The following HCFC2 variants were observed in gnomAD, a reference collection of about 807,000 sequenced individuals.
HCFC2 encodes the protein host cell factor C2, also known as host cell factor 2.
A neutral mutation model predicts 89.2 loss-of-function variants in HCFC2; 18 were observed. The observed-to-expected ratio is 0.20, with a 90% CI of 0.14 to 0.30. The LOEUF is 0.30. Among genes scored for constraint, HCFC2 ranks in the 10% least tolerant of loss-of-function variants. The pLI is 1.00. For missense variants in HCFC2, 578 were observed against 956.1 expected, an observed-to-expected ratio of 0.60 and a Z score of 5.21; for synonymous variants, 308 against 335.7, an observed-to-expected ratio of 0.92 and a Z score of 0.90.
chr12:104,064,582 A>C lies in HCFC2; in HGVS notation c.22A>C (p.Asn8His), dbSNP rs1273761483. The change falls in exon 1 of 15, where the codon AAC becomes CAC. Residue 8 changes from asparagine to histidine, a missense_variant. Transcript: ENST00000229330. The surrounding 1 kb of genome is among the most constrained non-coding windows in gnomAD (Gnocchi z 7.3). MAAPSLL[N>H]WRRVSSFTGP... is the part of the protein sequence containing the mutation. ...GAAGATGGCGGCTCCCAGCCTCCTC[A>C]ACTGGAGGCGAGTTTCTTCCTTCAC... 2 of 1,559,582 alleles carry C rather than the reference A, an allele frequency of 1.3e-6. No homozygotes were observed.
At chr12:104,079,301 G>T (rs1203048687) in intron 3 of HCFC2, 144 bp from the exon 4 acceptor site, 3 of 640,248 alleles carry the variant, frequency 4.7e-6, no homozygotes, top group Non-Finnish European at 5.4e-6. Context: ...TATGAATGAG[G>T]TTTGGGGTTT....
At chr12:104,099,691 G>T (rs985828893) in intron 13 of HCFC2, among the ~76,000 whole-genome samples, 1 of 152,018 alleles carries the variant, frequency 6.6e-6, no homozygotes, top group Non-Finnish European at 1.5e-5. Context: ...TTTGAGACAG[G>T]GTCTTGCTCT....
chr12:104,080,845 T>G lies in HCFC2; in HGVS notation c.767+15T>G. 6.5e-7 allele frequency: 1 copy of G among 1,540,134 alleles called. No homozygotes were observed. The highest frequency in any genetic ancestry group is 8.8e-7 in the Non-Finnish European group (1 of 1,131,512). On this transcript the variant is annotated intron_variant, in intron 5 of 14. Transcript: ENST00000229330. ...ATAGGAAACAAGTATGGTGGTTTTTTGTATTTTGCTTCTGTTTTTTTTAAA... is the reference window on the plus strand; with the variant it reads ...ATAGGAAACAAGTATGGTGGTTTTTGGTATTTTGCTTCTGTTTTTTTTAAA...
chr12:104,070,337 CT>C (rs1566224750), intron 3 of HCFC2, among the ~76,000 whole-genome samples: 2 of 152,082 alleles, frequency 1.3e-5, no homozygotes, highest in African/African-American at 4.8e-5. Context: ...CAAATTTATT[CT>C]TTTTTATGGC....
In HCFC2 at chr12:104,092,255, C is replaced by G. The variant is rs541648468; in HGVS notation, c.1285-1131C>G. Among the ~76,000 whole-genome samples the G allele has an allele frequency of 1.7e-4, 26 of 152,202 alleles. No individual in the cohort carries two copies. The East Asian group carries it at 4.4e-3, about 26-fold the overall frequency. On this transcript the variant is annotated intron_variant, in intron 9 of 14. Transcript: ENST00000229330. Reference sequence around the variant, plus strand: ...GGCCAAGGTGGTAGATCCTTCAGCTCAGGAGTTCAAGACCAGCCTTGACAA... The same window carrying G: ...GGCCAAGGTGGTAGATCCTTCAGCTGAGGAGTTCAAGACCAGCCTTGACAA...
chr12:104,083,652 CAG>C (rs1401113431), intron 7 of HCFC2, among the ~76,000 whole-genome samples: 2 of 152,076 alleles, frequency 1.3e-5, no homozygotes, highest in African/African-American at 4.8e-5. Flanking sequence ...AAGCTGGGGT[CAG>C]GGGGTTATGG....
intron 9 of HCFC2, among the ~76,000 whole-genome samples, chr12:104,089,350 A>T (rs887925495): frequency 6.6e-6 from 1 of 151,614 alleles, no homozygotes; most frequent in African/African-American, 2.4e-5. Context: ...GTCTCTCCTT[A>T]AAAAAAATGC....
rs1015628937 is a variant in HCFC2, at chr12:104,068,866, T to A, written c.473+759T>A. 3.9e-5 allele frequency among the ~76,000 whole-genome samples: 6 copies of A among 152,004 alleles called. No individual in the cohort carries two copies. The highest frequency in any genetic ancestry group is 1.2e-4 in the African/African-American group (5 of 41,420). On this transcript the variant is annotated intron_variant, in intron 3 of 14. Coordinates refer to ENST00000229330, the MANE Select transcript of HCFC2 (RefSeq NM_013320.3). This position sits in a 1 kb window ranked among gnomAD's most constrained non-coding sequence, Gnocchi z 4.1. ...TACTGTTCCATGTAGTTTTTTTTTT[T>A]AATAAATTTTATTTGTGTAAATTTA...
At chr12:104,084,718 A>G (rs1016288138) in intron 7 of HCFC2, among the ~76,000 whole-genome samples, 1 of 152,238 alleles carries the variant, frequency 6.6e-6, no homozygotes, top group Non-Finnish European at 1.5e-5. Flanking sequence ...ACACTGCAAG[A>G]CAAGTTAGAA....
chr12:104,069,515 C>T (rs1325793800), intron 3 of HCFC2, among the ~76,000 whole-genome samples: 1 of 147,442 alleles, frequency 6.8e-6, no homozygotes. Flanking sequence ...ATATGTTTTA[C>T]CTTTTTTGTT....
At chr12:104,069,642 T>C (rs1328049490) in intron 3 of HCFC2, among the ~76,000 whole-genome samples, 1 of 152,180 alleles carries the variant, frequency 6.6e-6, no homozygotes, top group African/African-American at 2.4e-5. Flanking sequence ...AATGGTAGTA[T>C]ATTTTTTTCT....
At chr12:104,070,269 C>G (rs565102121) in intron 3 of HCFC2, among the ~76,000 whole-genome samples, 1 of 152,344 alleles carries the variant, frequency 6.6e-6, no homozygotes, top group African/African-American at 2.4e-5. Context: ...ACCTCGTGAT[C>G]TGCCCACCTT....
chr12:104,084,312 G>A (rs190533025), intron 7 of HCFC2, among the ~76,000 whole-genome samples: 7 of 152,258 alleles, frequency 4.6e-5, no homozygotes, highest in East Asian at 3.9e-4. Flanking sequence ...GGTATTGGGC[G>A]TGGGAGTGGT....
intron 11 of HCFC2, 61 bp from the exon 12 acceptor site, chr12:104,096,299 T>C (rs993628512): frequency 8.2e-5 from 93 of 1,138,730 alleles, no homozygotes; most frequent in Non-Finnish European, 9.8e-5. Context: ...ATTTAAAAAT[T>C]ATATTTTAAT....
chr12:104,084,947 A>G (rs2136612959), intron 7 of HCFC2, among the ~76,000 whole-genome samples: 1 of 152,304 alleles, frequency 6.6e-6, no homozygotes, highest in East Asian at 1.9e-4. Context: ...TGTGGAGAAA[A>G]TCAAGAGTTC....
chr12:104,100,444 AC>A (rs1487535971), intron 13 of HCFC2, among the ~76,000 whole-genome samples: 1 of 151,982 alleles, frequency 6.6e-6, no homozygotes, highest in Non-Finnish European at 1.5e-5. Context: ...TGGGCAAGGT[AC>A]GTGCCTCTGC....
chr12:104,101,862 A>T, intron 13 of HCFC2, 106 bp from the exon 14 acceptor site: 2 of 670,188 alleles, frequency 3.0e-6, no homozygotes, highest in Middle Eastern at 4.6e-4. Flanking sequence ...TTAAAACATA[A>T]TTTATTCTTT....
Position 104,066,167 on chromosome 12 carries a change from C to A in HCFC2, c.164C>A (p.Ala55Asp). The A allele has an allele frequency of 6.2e-7, 1 of 1,612,160 alleles. No individual in the cohort carries two copies. Among genetic ancestry groups the A allele is most frequent in the Non-Finnish European group, 8.5e-7 (1 of 1,179,476 alleles). The change falls in exon 2 of 15, where the codon GCT (alanine) becomes GAT (aspartate). Residue 55 changes from alanine to aspartate, a missense_variant and splice_region_variant. Around this residue, in one of 4 missense-constraint regions of HCFC2, gnomAD observed 206 missense variants for 419.2 expected, o/e 0.49. Coordinates refer to ENST00000229330, the MANE Select transcript of HCFC2 (RefSeq NM_013320.3). The stretch of plus-strand genomic sequence containing the variant: ...GTTTTCATTTTATTTTGGCAACTAG[C>A]TACGAATCAGTGGTTTCTGCCAGCT... Reference protein sequence around the residue: ...IADELHVYNTATNQWFLPAVR... With the variant: ...IADELHVYNTDTNQWFLPAVR...
chr12:104,104,369 G>A lies in HCFC2; in HGVS notation c.*1096G>A, dbSNP rs1017781309. The A allele has an allele frequency of 2.0e-5, 3 of 151,994 alleles. No individual in the cohort carries two copies. The highest frequency in any genetic ancestry group is 1.9e-4 in the East Asian group (1 of 5,204). The allele number at this position is 151,994 out of a possible 1,614,324, so 9.4% of individuals were successfully genotyped here. A position where few individuals can be genotyped will look rare whatever the true frequency, so the allele number is the denominator to read the frequency against. On this transcript the variant is annotated 3_prime_UTR_variant, in exon 15 of 15. Transcript: ENST00000229330. ...GTTCCATTACAACCTTAAAGATACA[G>A]ATAGGCATTATAAACACTCTGCTAC... is the stretch of plus-strand genomic sequence containing the variant.
Sources: gnomAD v4.1 joint callset for allele counts (sites outside exome capture counted in the v4.1 genomes callset) on GRCh38, gnomAD v4.1.1 for gene constraint, gnomAD v4.1.1 regional missense constraint, Gnocchi (gnomAD v3.1) non-coding constraint, MANE v1.5 for transcripts, NCBI Gene and HGNC (gene_info 2026-07-23, HGNC 2026-07-21) for gene names.